The following ATP11B variants were observed in gnomAD, a reference collection of about 807,000 sequenced individuals.
The protein encoded by ATP11B is phospholipid-transporting ATPase IF.
In ATP11B, 81 loss-of-function variants were observed where a neutral mutation model predicts 157.8. The observed-to-expected ratio is 0.51, with a 90% confidence interval of 0.43 to 0.62. The LOEUF is 0.62. Among genes scored for constraint, ATP11B ranks in the 20% least tolerant of loss-of-function variants. ATP11B has a pLI of 0.00. For synonymous variants in ATP11B, 451 were observed against 469.4 expected (o/e 0.96, Z 0.51); for missense variants, 1,165 against 1,402.2 (o/e 0.83, Z 2.70).
At chr3:182,851,305 G>T (rs1324465485) in intron 10 of ATP11B, among the ~76,000 whole-genome samples, 4 of 152,024 alleles carry the variant, frequency 2.6e-5, no homozygotes. Flanking sequence ...AATAAAAAAA[G>T]ACTCTTTATA....
chr3:182,888,858 CTTTTTTT>C lies in ATP11B; in HGVS notation c.2844-540_2844-534del, dbSNP rs565378947. Among the ~76,000 whole-genome samples, 32 of 124,958 alleles carry C rather than the reference CTTTTTTT, an allele frequency of 2.6e-4. 1 individual carries two copies. The highest frequency in any genetic ancestry group is 1.5e-3 in the South Asian group (6 of 3,924). The allele number at this position is 124,958 out of a possible 152,430, so 82.0% of individuals were successfully genotyped here. ...CCACCATGCCCAGCCTATCATATTT[CTTTTTTT>C]TTTTTTTTTTTCCTTTTGAGAGAGA... On this transcript the variant is annotated intron_variant, in intron 24 of 29. Coordinates refer to ENST00000323116, the MANE Select transcript of ATP11B (RefSeq NM_014616.3).
intron 1 of ATP11B, among the ~76,000 whole-genome samples, chr3:182,800,109 C>T (rs1264480160): frequency 6.6e-6 from 1 of 150,920 alleles, no homozygotes; most frequent in Admixed American, 6.6e-5. Context: ...GACCCTGTCT[C>T]TAAAAAATAA....
At chr3:182,822,189 T>C (rs1717400948) in intron 2 of ATP11B, among the ~76,000 whole-genome samples, 1 of 152,068 alleles carries the variant, frequency 6.6e-6, no homozygotes, top group African/African-American at 2.4e-5. Context: ...TACATATGTA[T>C]ACATGTGCCA....
At chr3:182,889,338 A>C in intron 24 of ATP11B, 72 bp from the exon 25 acceptor site, 1 of 1,058,892 alleles carries the variant, frequency 9.4e-7, no homozygotes, top group Non-Finnish European at 1.3e-6. Context: ...TAATTATCAT[A>C]TTATATTAAT....
chr3:182,859,448 G>T, intron 12 of ATP11B, 89 bp downstream of exon 12: 1 of 1,191,876 alleles, frequency 8.4e-7, no homozygotes. Context: ...AAGGTATTAT[G>T]ATGCTTATAC....
intron 3 of ATP11B, among the ~76,000 whole-genome samples, chr3:182,828,582 A>C (rs1488805919): frequency 6.6e-6 from 1 of 151,962 alleles, no homozygotes; most frequent in East Asian, 1.9e-4. Flanking sequence ...ATCTTTGTAC[A>C]AAGTAAACTT....
In ATP11B at chr3:182,884,914, T is replaced by G. The variant is rs1166494114; in HGVS notation, c.2655+16T>G. 7.8e-7 allele frequency: 1 copy of G among 1,278,456 alleles called. No individual in the cohort carries two copies. The highest frequency in any genetic ancestry group is 1.1e-6 in the Non-Finnish European group (1 of 922,600). 79.2% of individuals were successfully genotyped at this position (1,278,456 alleles called of 1,614,324 possible). A position where few individuals can be genotyped will look rare whatever the true frequency, so the allele number is the denominator to read the frequency against. On this transcript the variant is annotated intron_variant, in intron 22 of 29. Coordinates refer to ENST00000323116, the MANE Select transcript of ATP11B (RefSeq NM_014616.3). ...TTTTTATAAGGTGAGTTTCATGTAT[T>G]TAGAATCAATTATTGATATAGTAAT...
At chr3:182,897,259 CTTTA>C (rs777968159) in intron 26 of ATP11B, 40 bp from the exon 27 acceptor site, 1 of 1,120,506 alleles carries the variant, frequency 8.9e-7, no homozygotes, top group Non-Finnish European at 1.3e-6. Flanking sequence ...TAAGGTAAAG[CTTTA>C]TTTGTTTATA....
intron 2 of ATP11B, 35 bp downstream of exon 2, chr3:182,820,411 C>T (rs1427763866): frequency 2.9e-6 from 4 of 1,391,276 alleles, no homozygotes; most frequent in Middle Eastern, 1.8e-4. Context: ...AGGCCAGGTG[C>T]AGTGGCTCAT....
At chr3:182,795,335 AT>A (rs763704273) in intron 1 of ATP11B, among the ~76,000 whole-genome samples, 16 of 152,230 alleles carry the variant, frequency 1.1e-4, no homozygotes, top group Non-Finnish European at 1.9e-4. Flanking sequence ...TAGGAAGATC[AT>A]TTTAAAGTGG....
chr3:182,817,438 A>C (rs1488496284), intron 1 of ATP11B, among the ~76,000 whole-genome samples: 1 of 151,924 alleles, frequency 6.6e-6, no homozygotes, highest in East Asian at 1.9e-4. Context: ...GTGCCACCAC[A>C]CCCAGCTAAT....
chr3:182,834,926 TTG>T (rs1207235702), intron 4 of ATP11B, among the ~76,000 whole-genome samples: 2 of 152,328 alleles, frequency 1.3e-5, no homozygotes, highest in East Asian at 3.9e-4. Flanking sequence ...AACACATATT[TTG>T]TGTGTTATAT....
chr3:182,837,595 A>G (rs1161006303), intron 7 of ATP11B, among the ~76,000 whole-genome samples: 1 of 152,082 alleles, frequency 6.6e-6, no homozygotes, highest in African/African-American at 2.4e-5. Context: ...CTTTTAAATT[A>G]TAACCTTATA....
chr3:182,915,347 C>G (rs1374984598), intron 29 of ATP11B: 1 of 985,306 alleles, frequency 1.0e-6, no homozygotes, highest in East Asian at 1.1e-4. Context: ...GTAGTAATTT[C>G]ATTCCACGTA....
chr3:182,845,009 T>TTTTTTTTTTTA (rs1560081876), intron 8 of ATP11B, among the ~76,000 whole-genome samples: 1 of 112,090 alleles, frequency 8.9e-6, no homozygotes, highest in Non-Finnish European at 1.7e-5. Context: ...TTTTTTTATT[T>TTTTTTTTTTTA]TTTTTTATTT....
chr3:182,796,947 G>A (rs972247143), intron 1 of ATP11B, among the ~76,000 whole-genome samples: 13 of 152,288 alleles, frequency 8.5e-5, no homozygotes, highest in Middle Eastern at 6.8e-3. Context: ...ATTGGCGATG[G>A]TGGTAGGAGG....
chr3:182,796,598 G>A (rs985058112), intron 1 of ATP11B, among the ~76,000 whole-genome samples: 8 of 152,222 alleles, frequency 5.3e-5, no homozygotes, highest in Middle Eastern at 3.2e-3. Context: ...TTAAATGAAA[G>A]TCTGTGTCAG....
intron 1 of ATP11B, among the ~76,000 whole-genome samples, chr3:182,806,418 C>T (rs1716334547): frequency 6.6e-6 from 1 of 152,066 alleles, no homozygotes; most frequent in South Asian, 2.1e-4. Context: ...AATTTTTAGC[C>T]ATTTTTTCTT....
chr3:182,890,534 G>A (rs1723106641), intron 25 of ATP11B, among the ~76,000 whole-genome samples: 1 of 152,054 alleles, frequency 6.6e-6, no homozygotes, highest in Non-Finnish European at 1.5e-5. Context: ...GTGTAATAAA[G>A]GAAATGGGTT....
Sources: allele counts gnomAD v4.1 joint callset (sites outside exome capture counted in the v4.1 genomes callset), GRCh38; gene constraint gnomAD v4.1.1; transcripts MANE v1.5; gene names NCBI Gene and HGNC (gene_info 2026-07-23, HGNC 2026-07-21).